The following SLC15A2 variants were observed in gnomAD, a reference collection of about 807,000 sequenced individuals.
SLC15A2 encodes the protein solute carrier family 15 member 2.
A neutral mutation model predicts 95.5 loss-of-function variants in SLC15A2; 77 were observed. That is an observed-to-expected ratio of 0.81 (90% CI 0.67 to 0.97). The LOEUF is 0.97. Ranked by LOEUF, SLC15A2 falls within the 50% of genes least tolerant of loss-of-function variation. The pLI, the probability that SLC15A2 is intolerant of heterozygous loss-of-function variation, is 0.00. For synonymous variants in SLC15A2, 306 were observed against 306.9 expected (o/e 1.00, Z 0.03); for missense variants, 893 against 874.4 (o/e 1.02, Z -0.27).
At chr3:121,931,074 A>T in intron 18 of SLC15A2, 124 bp downstream of exon 18, 1 of 624,220 alleles carries the variant, frequency 1.6e-6, no homozygotes, top group Non-Finnish European at 2.9e-6. Flanking sequence ...CGCACTACTG[A>T]TCTTTTCCAA....
chr3:121,921,455 C>T (rs1172926715), intron 7 of SLC15A2, among the ~76,000 whole-genome samples: 1 of 151,584 alleles, frequency 6.6e-6, no homozygotes. Context: ...GTACAAGGTG[C>T]TTAATTTCCT....
At chr3:121,909,201 T>C (rs1264851599) in intron 3 of SLC15A2, among the ~76,000 whole-genome samples, 1 of 151,978 alleles carries the variant, frequency 6.6e-6, no homozygotes, top group African/African-American at 2.4e-5. Context: ...TAGCTGGGAT[T>C]ACAGGCATGC....
chr3:121,934,216 T>C (rs1710291247), intron 19 of SLC15A2, among the ~76,000 whole-genome samples: 1 of 152,228 alleles, frequency 6.6e-6, no homozygotes, highest in East Asian at 1.9e-4. Context: ...AGCTTTGTTC[T>C]TTTGGCTTAG....
Position 121,939,507 on chromosome 3 carries a change from C to T in SLC15A2, c.1908+12C>T, listed in dbSNP as rs1207658868. On this transcript the variant is annotated intron_variant, in intron 20 of 21. Coordinates refer to ENST00000489711, the MANE Select transcript of SLC15A2 (RefSeq NM_021082.4). ...TTTCTTATTCTCAGGTAAGTTTTTG[C>T]AAATAGAAGGTAGAAATTGAGGCAT... 6.8e-7 allele frequency: 1 copy of T among 1,477,608 alleles called. No individual in the cohort carries two copies. Among genetic ancestry groups the T allele is most frequent in the African/African-American group, 1.4e-5 (1 of 69,346 alleles). 91.5% of individuals were successfully genotyped at this position (1,477,608 alleles called of 1,614,324 possible).
In SLC15A2 at chr3:121,942,587, C is replaced by T. The variant is rs1710482030; in HGVS notation, c.*1580C>T. 6.6e-6 allele frequency: 1 copy of T among 152,178 alleles called. No individual in the cohort carries two copies. The highest frequency in any genetic ancestry group is 2.4e-5 in the African/African-American group (1 of 41,428). 9.4% of individuals were successfully genotyped at this position (152,178 alleles called of 1,614,324 possible). A position where few individuals can be genotyped will look rare whatever the true frequency, so the allele number is the denominator to read the frequency against. ...ATTTCAGAAATATAAGAGCGGCAGC[C>T]AGACCAACCAGTTTTTCCAGATATC... On this transcript the variant is annotated 3_prime_UTR_variant, in exon 22 of 22. Transcript: ENST00000489711.
At chr3:121,924,483 CT>C (rs1235319929) in intron 12 of SLC15A2, 100 bp downstream of exon 12, 1 of 1,104,226 alleles carries the variant, frequency 9.1e-7, no homozygotes, top group Non-Finnish European at 1.4e-6. Context: ...TGCTTTTCTC[CT>C]TGTACGCTGA....
chr3:121,929,150 A>G lies in SLC15A2; in HGVS notation c.1506+4A>G. 6.2e-7 allele frequency: 1 copy of G among 1,609,684 alleles called. No homozygotes were observed. On this transcript the variant is annotated splice_donor_region_variant and intron_variant, in intron 16 of 21. Coordinates refer to ENST00000489711, the MANE Select transcript of SLC15A2 (RefSeq NM_021082.4). ...GAACAGTATCTCCAGCATGATGGTA[A>G]TTTGAGGAATTGCCTGTGTTTTCAG...
intron 8 of SLC15A2, among the ~76,000 whole-genome samples, 157 bp downstream of exon 8, chr3:121,922,459 A>G (rs1710025604): frequency 1.3e-5 from 2 of 150,078 alleles, no homozygotes. Flanking sequence ...TCTTCTTCTT[A>G]TGCCTCTACT....
At chr3:121,910,772 A>T (rs1168908093) in intron 3 of SLC15A2, among the ~76,000 whole-genome samples, 1 of 152,212 alleles carries the variant, frequency 6.6e-6, no homozygotes, top group Non-Finnish European at 1.5e-5. Context: ...CACATAAGGA[A>T]TATATGTTGT....
At chr3:121,938,307 TC>T (rs1710390759) in intron 19 of SLC15A2, among the ~76,000 whole-genome samples, 1 of 152,232 alleles carries the variant, frequency 6.6e-6, no homozygotes, top group African/African-American at 2.4e-5. Context: ...TTGGAGCTTC[TC>T]GGCTGCTTTG....
intron 13 of SLC15A2, among the ~76,000 whole-genome samples, chr3:121,925,329 T>C (rs185665935): frequency 2.0e-5 from 3 of 152,232 alleles, no homozygotes; most frequent in African/African-American, 7.2e-5. Context: ...CTAAACCAAC[T>C]TTCTTCTTTG....
At chr3:121,901,340 G>A (rs2107569936) in intron 3 of SLC15A2, among the ~76,000 whole-genome samples, 1 of 152,212 alleles carries the variant, frequency 6.6e-6, no homozygotes, top group South Asian at 2.1e-4. Context: ...TTATCCAAGA[G>A]CACGTAGAAT....
intron 14 of SLC15A2, 40 bp from the exon 15 acceptor site, chr3:121,928,381 T>C (rs1426767834): frequency 5.0e-6 from 8 of 1,603,330 alleles, no homozygotes; most frequent in Non-Finnish European, 6.8e-6. Flanking sequence ...ATCTGAAGGA[T>C]TATTTGTTGG....
intron 5 of SLC15A2, among the ~76,000 whole-genome samples, chr3:121,913,583 A>T (rs184722062): frequency 1.2e-3 from 181 of 152,334 alleles, no homozygotes; most frequent in Non-Finnish European, 1.9e-3. Flanking sequence ...ATGGGAGGTG[A>T]TAAGTAGTAT....
intron 15 of SLC15A2, 82 bp from the exon 16 acceptor site, chr3:121,928,900 C>T: frequency 6.8e-7 from 1 of 1,467,118 alleles, no homozygotes; most frequent in Non-Finnish European, 9.3e-7. Flanking sequence ...ATGAGGTCAC[C>T]TACCCTGAGA....
At chr3:121,932,426 C>T (rs1224702375) in intron 19 of SLC15A2, among the ~76,000 whole-genome samples, 2 of 152,220 alleles carry the variant, frequency 1.3e-5, no homozygotes, top group African/African-American at 2.4e-5. Flanking sequence ...GATCTTCTCA[C>T]TCTCTGGAAA....
At chr3:121,921,163 T>C (rs1273129147) in intron 7 of SLC15A2, among the ~76,000 whole-genome samples, 1 of 152,214 alleles carries the variant, frequency 6.6e-6, no homozygotes, top group Non-Finnish European at 1.5e-5. Flanking sequence ...ACAGAAATAG[T>C]ATAGAACAGA....
chr3:121,941,507 A>T lies in SLC15A2; in HGVS notation c.*500A>T, dbSNP rs1710463403. The T allele has an allele frequency of 6.6e-6, 1 of 152,238 alleles. No homozygotes were observed. The highest frequency in any genetic ancestry group is 6.5e-5 in the Admixed American group (1 of 15,278). 9.4% of individuals were successfully genotyped at this position (152,238 alleles called of 1,614,324 possible). On this transcript the variant is annotated 3_prime_UTR_variant, in exon 22 of 22. Coordinates refer to ENST00000489711, the MANE Select transcript of SLC15A2 (RefSeq NM_021082.4). ...ATGTATGATGTGATCTGGTCCAGCC[A>T]GGGCCTGGCTTGTCAGCTCTCTAGG...
chr3:121,915,382 G>T, intron 6 of SLC15A2, 65 bp downstream of exon 6: 1 of 1,077,856 alleles, frequency 9.3e-7, no homozygotes. Context: ...GCTGTTCAAG[G>T]CTTTCTCCTG....
Sources: allele counts gnomAD v4.1 joint callset (sites outside exome capture counted in the v4.1 genomes callset), GRCh38; gene constraint gnomAD v4.1.1; transcripts MANE v1.5; gene names NCBI Gene and HGNC (gene_info 2026-07-23, HGNC 2026-07-21).